Variants in FCHSD2 observed in about 807,000 individuals in gnomAD.
FCHSD2 encodes the protein FCH and double SH3 domains 2.
FCHSD2 carries 38 observed loss-of-function variants against 108.1 expected under a neutral mutation model. That is an observed-to-expected ratio of 0.35 (90% CI 0.27 to 0.46). The LOEUF is 0.46. Among genes scored for constraint, FCHSD2 ranks in the 20% least tolerant of loss-of-function variants. The probability of loss-of-function intolerance (pLI) is 1.00; values close to 1 mark genes in which losing one functional copy is unlikely to be tolerated. For synonymous variants in FCHSD2, 279 were observed against 314.7 expected (o/e 0.89, Z 1.20); for missense variants, 751 against 897.8 (o/e 0.84, Z 2.09).
At chr11:73,032,424 C>T (rs931058798) in intron 3 of FCHSD2, among the ~76,000 whole-genome samples, 2 of 152,022 alleles carry the variant, frequency 1.3e-5, no homozygotes, top group Non-Finnish European at 2.9e-5. Context: ...CAGGGTCTCA[C>T]TTTATTGCCA....
chr11:73,109,253 T>C (rs1860424675), intron 2 of FCHSD2, among the ~76,000 whole-genome samples: 1 of 152,240 alleles, frequency 6.6e-6, no homozygotes, highest in Admixed American at 6.5e-5. Flanking sequence ...TTTCTATTTC[T>C]GTGAAGAATG....
At chr11:73,033,973 C>T (rs1034578741) in intron 3 of FCHSD2, among the ~76,000 whole-genome samples, 2 of 151,926 alleles carry the variant, frequency 1.3e-5, no homozygotes, top group Admixed American at 6.6e-5. Flanking sequence ...CATGTTATTA[C>T]GAATAGAAAT....
At position 72,838,000 on chromosome 11, in the gene FCHSD2, AAAG is replaced by A. The variant is rs796488576; in HGVS notation, c.*788_*790del. ...TTAAGATGAAAAATACCCAAATACA[AAAG>A]AACATTATATTGGCTAATTTCAGAT... On this transcript the variant is annotated 3_prime_UTR_variant, in exon 20 of 20. Coordinates refer to ENST00000409418, the MANE Select transcript of FCHSD2 (RefSeq NM_014824.3). 1.3e-5 allele frequency: 2 copies of A among 152,296 alleles called. No homozygotes were observed. The highest frequency in any genetic ancestry group is 4.8e-5 in the African/African-American group (2 of 41,568). The allele number at this position is 152,296 out of a possible 1,614,324, so 9.4% of individuals were successfully genotyped here.
chr11:72,991,076 A>G (rs1443311563), intron 5 of FCHSD2, among the ~76,000 whole-genome samples: 1 of 152,368 alleles, frequency 6.6e-6, no homozygotes, highest in South Asian at 2.1e-4. Flanking sequence ...AGAGAATACT[A>G]TAAACACCTC....
At chr11:73,031,428 A>G (rs1858358240) in intron 3 of FCHSD2, among the ~76,000 whole-genome samples, 1 of 151,850 alleles carries the variant, frequency 6.6e-6, no homozygotes, top group Non-Finnish European at 1.5e-5. Context: ...TTGAGTTGTG[A>G]CTACTGCACT....
At chr11:73,112,554 G>GTTGT (rs1212190546) in intron 2 of FCHSD2, among the ~76,000 whole-genome samples, 1 of 152,140 alleles carries the variant, frequency 6.6e-6, no homozygotes, top group African/African-American at 2.4e-5. Flanking sequence ...GAAGTTCTCT[G>GTTGT]TTGTTATCCC....
chr11:72,866,039 T>C (rs994615486), intron 13 of FCHSD2, among the ~76,000 whole-genome samples: 1 of 152,148 alleles, frequency 6.6e-6, no homozygotes, highest in Admixed American at 6.5e-5. Flanking sequence ...AGATGGTATA[T>C]GGCCCCTCAA....
At chr11:73,084,061 T>C (rs758833723) in intron 2 of FCHSD2, among the ~76,000 whole-genome samples, 15 of 152,208 alleles carry the variant, frequency 9.9e-5, no homozygotes, top group Non-Finnish European at 1.8e-4. Flanking sequence ...ATTTAGTTAC[T>C]TGAAATACAT....
intron 8 of FCHSD2, among the ~76,000 whole-genome samples, chr11:72,948,555 C>T (rs940283137): frequency 6.6e-6 from 1 of 152,090 alleles, no homozygotes; most frequent in Non-Finnish European, 1.5e-5. Flanking sequence ...ATTAAGTCCT[C>T]CAAAACAACT....
At chr11:73,041,432 G>GT (rs1858635367) in intron 3 of FCHSD2, among the ~76,000 whole-genome samples, 2 of 152,238 alleles carry the variant, frequency 1.3e-5, no homozygotes, top group South Asian at 4.1e-4. Flanking sequence ...TCTGACTGAG[G>GT]TAAGATGATA....
At chr11:72,977,284 C>A (rs933760251) in intron 8 of FCHSD2, among the ~76,000 whole-genome samples, 2 of 152,120 alleles carry the variant, frequency 1.3e-5, no homozygotes, top group East Asian at 1.9e-4. Flanking sequence ...GCAAAGATTT[C>A]TTGAGTAATA....
intron 3 of FCHSD2, among the ~76,000 whole-genome samples, chr11:73,022,346 A>T (rs780349706): frequency 6.6e-6 from 1 of 152,166 alleles, no homozygotes; most frequent in Non-Finnish European, 1.5e-5. Context: ...AGATGACATG[A>T]TTGTCTATGT....
chr11:72,876,975 A>ATT (rs1193412834), intron 12 of FCHSD2, among the ~76,000 whole-genome samples: 1 of 142,782 alleles, frequency 7.0e-6, no homozygotes. Context: ...TGATCACTTC[A>ATT]TTTTTTTTTT....
intron 4 of FCHSD2, among the ~76,000 whole-genome samples, chr11:73,015,315 CTAAAA>C (rs1249991576): frequency 6.6e-6 from 1 of 152,126 alleles, no homozygotes; most frequent in Non-Finnish European, 1.5e-5. Context: ...ATATATTTTT[CTAAAA>C]TAAGTATTAT....
intron 10 of FCHSD2, among the ~76,000 whole-genome samples, chr11:72,901,707 G>A (rs1055411540): frequency 9.9e-5 from 15 of 151,810 alleles, no homozygotes; most frequent in African/African-American, 3.6e-4. Flanking sequence ...ATGGCAGAGG[G>A]GTAGAGGCAT....
At chr11:73,018,104 A>C (rs1858014207) in intron 3 of FCHSD2, among the ~76,000 whole-genome samples, 2 of 152,322 alleles carry the variant, frequency 1.3e-5, no homozygotes, top group Non-Finnish European at 2.9e-5. Context: ...CCAATTAATT[A>C]AAGTTGCTTT....
chr11:72,915,515 G>C (rs1180520320), intron 9 of FCHSD2, among the ~76,000 whole-genome samples: 1 of 152,136 alleles, frequency 6.6e-6, no homozygotes, highest in African/African-American at 2.4e-5. Flanking sequence ...ACCAATGATA[G>C]ACTGGATATA....
intron 3 of FCHSD2, among the ~76,000 whole-genome samples, chr11:73,026,130 C>A (rs943341465): frequency 6.6e-6 from 1 of 152,088 alleles, no homozygotes; most frequent in African/African-American, 2.4e-5. Flanking sequence ...TGTGCCACTG[C>A]ACCCAGCTCA....
At chr11:72,921,487 C>T (rs1855974977) in intron 9 of FCHSD2, among the ~76,000 whole-genome samples, 1 of 152,202 alleles carries the variant, frequency 6.6e-6, no homozygotes. Context: ...TTTGTACTGA[C>T]ACATGACCTG....
Sources: allele counts gnomAD v4.1 joint callset (sites outside exome capture counted in the v4.1 genomes callset), GRCh38; gene constraint gnomAD v4.1.1; transcripts MANE v1.5; gene names NCBI Gene and HGNC (gene_info 2026-07-23, HGNC 2026-07-21).